The following IDE variants were observed in gnomAD, a reference collection of about 807,000 sequenced individuals.
IDE encodes insulin degrading enzyme, also known as insulin-degrading enzyme.
IDE carries 58 observed loss-of-function variants against 133.2 expected under a neutral mutation model. That is an observed-to-expected ratio of 0.44 (90% CI 0.35 to 0.54). IDE has a LOEUF of 0.54. Ranked by LOEUF, IDE falls within the 20% of genes least tolerant of loss-of-function variation. The pLI is 0.00. For synonymous variants in IDE, 396 were observed against 421.3 expected, an observed-to-expected ratio of 0.94 and a Z score of 0.73; for missense variants, 981 against 1,234.0, an observed-to-expected ratio of 0.79 and a Z score of 3.07.
At chr10:92,559,409 T>TCTATCCAA (rs1362873502) in intron 1 of IDE, among the ~76,000 whole-genome samples, 3 of 152,192 alleles carry the variant, frequency 2.0e-5, no homozygotes, top group Non-Finnish European at 4.4e-5. Flanking sequence ...TACAATCTGG[T>TCTATCCAA]CTATCCATAC....
chr10:92,529,921 C>G (rs1849823051), intron 4 of IDE, among the ~76,000 whole-genome samples: 1 of 152,048 alleles, frequency 6.6e-6, no homozygotes, highest in Non-Finnish European at 1.5e-5. Flanking sequence ...ATCTAACATA[C>G]CAAAAGGACT....
chr10:92,511,896 T>G (rs1406118961), intron 5 of IDE, among the ~76,000 whole-genome samples: 1 of 152,214 alleles, frequency 6.6e-6, no homozygotes, highest in East Asian at 1.9e-4. Flanking sequence ...CCTGCAGTAC[T>G]GGTGACAGCA....
At chr10:92,475,509 T>C (rs1442190086) in intron 16 of IDE, among the ~76,000 whole-genome samples, 2 of 152,216 alleles carry the variant, frequency 1.3e-5, no homozygotes, top group Non-Finnish European at 2.9e-5. Context: ...TGCTCTAATG[T>C]GACAAGGTCT....
At position 92,534,773 on chromosome 10, in the gene IDE, T is replaced by G; in HGVS notation, c.296A>C (p.Asp99Ala). 1 of 1,613,082 alleles carries G rather than the reference T, an allele frequency of 6.2e-7. No individual in the cohort carries two copies. The highest frequency in any genetic ancestry group is 8.5e-7 in the Non-Finnish European group (1 of 1,179,600). The change falls in exon 3 of 25, where the codon GAT becomes GCT. Residue 99 changes from aspartate (D) to alanine (A), a missense_variant. Coordinates refer to ENST00000265986, the MANE Select transcript of IDE (RefSeq NM_004969.4). Reference sequence around the variant, plus strand: ...ACTTAAGCCAGCAATATTTGGAGGATCCGACAATGAACCTGAAAGAGAAAA... The same window carrying G: ...ACTTAAGCCAGCAATATTTGGAGGAGCCGACAATGAACCTGAAAGAGAAAA... ...ALDVHIGSLS[D>A]PPNIAGLSHF...
chr10:92,474,588 T>G (rs1846148531), intron 17 of IDE: 1 of 338,590 alleles, frequency 3.0e-6, no homozygotes, highest in Non-Finnish European at 5.5e-6. Context: ...ACTAAGCATA[T>G]CCATCATCTC....
At chr10:92,455,303 C>G (rs534405319) in intron 24 of IDE, among the ~76,000 whole-genome samples, 81 of 152,014 alleles carry the variant, frequency 5.3e-4, no homozygotes, top group Non-Finnish European at 9.8e-4. Context: ...TGGTGAAACC[C>G]CATCTCCACT....
rs190467222 is a variant in IDE, at chr10:92,538,684, T to A, written c.99-1134A>T. Among the ~76,000 whole-genome samples the A allele has an allele frequency of 6.6e-5, 10 of 152,098 alleles. No individual in the cohort carries two copies. The East Asian group carries it at 9.7e-4, about 15-fold the overall frequency. On this transcript the variant is annotated intron_variant, in intron 1 of 24. Coordinates refer to ENST00000265986, the MANE Select transcript of IDE (RefSeq NM_004969.4). ...ATGTAGGGATGTTGGTTGCAATTAG[T>A]GCAGTGAAGGGACTTTCCAGAGTCT...
chr10:92,572,366 T>C (rs1019188302), intron 1 of IDE, among the ~76,000 whole-genome samples: 2 of 152,212 alleles, frequency 1.3e-5, no homozygotes, highest in Non-Finnish European at 2.9e-5. Flanking sequence ...TTGCACATTA[T>C]AGGAGATTTT....
chr10:92,462,618 T>A (rs573283689), intron 21 of IDE, among the ~76,000 whole-genome samples: 12 of 151,904 alleles, frequency 7.9e-5, no homozygotes, highest in African/African-American at 1.9e-4. Context: ...AAAAAAAAAA[T>A]AATAAGTGGA....
chr10:92,540,012 C>T (rs187718712), intron 1 of IDE, among the ~76,000 whole-genome samples: 7 of 152,190 alleles, frequency 4.6e-5, no homozygotes, highest in Admixed American at 2.6e-4. Flanking sequence ...GAGACTGAGG[C>T]GGGCAGATCA....
chr10:92,499,991 T>C (rs1330135221), intron 11 of IDE, among the ~76,000 whole-genome samples: 1 of 152,146 alleles, frequency 6.6e-6, no homozygotes, highest in Non-Finnish European at 1.5e-5. Context: ...GTTGATGCTC[T>C]TCTCAAAAAT....
intron 4 of IDE, among the ~76,000 whole-genome samples, chr10:92,524,516 TATATA>T (rs1849508135): frequency 2.1e-5 from 1 of 47,064 alleles, no homozygotes; most frequent in African/African-American, 7.4e-5. Context: ...TAATATATAA[TATATA>T]TTATATTATA....
chr10:92,471,256 T>C (rs1845945737), intron 17 of IDE, among the ~76,000 whole-genome samples: 1 of 152,184 alleles, frequency 6.6e-6, no homozygotes, highest in Non-Finnish European at 1.5e-5. Flanking sequence ...TAGGACACCA[T>C]AGTAATAACT....
At chr10:92,460,233 T>C (rs369147517) in intron 22 of IDE, among the ~76,000 whole-genome samples, 84 of 152,280 alleles carry the variant, frequency 5.5e-4, no homozygotes, top group African/African-American at 1.9e-3. Context: ...ATGTAAAACT[T>C]ATAATATCTC....
chr10:92,532,578 A>C (rs1564655859), intron 3 of IDE, among the ~76,000 whole-genome samples: 1 of 152,218 alleles, frequency 6.6e-6, no homozygotes, highest in Non-Finnish European at 1.5e-5. Context: ...TGATTCAATA[A>C]ATAACATGGT....
At chr10:92,552,857 C>CAAGAAAAAAAAAAAAAAAAAAAAA (rs1842846541) in intron 1 of IDE, among the ~76,000 whole-genome samples, 1 of 49,380 alleles carries the variant, frequency 2.0e-5, no homozygotes, top group African/African-American at 1.1e-4. Context: ...GACTCAGTCT[C>CAAGAAAAAAAAAAAAAAAAAAAAA]AAAAAAAAAA....
At chr10:92,538,013 C>G (rs2135705207) in intron 1 of IDE, among the ~76,000 whole-genome samples, 1 of 152,118 alleles carries the variant, frequency 6.6e-6, no homozygotes, top group East Asian at 1.9e-4. Flanking sequence ...GCTGGGACCA[C>G]AGGCACTCAA....
At chr10:92,559,586 A>G (rs1843180049) in intron 1 of IDE, among the ~76,000 whole-genome samples, 1 of 152,206 alleles carries the variant, frequency 6.6e-6, no homozygotes, top group Non-Finnish European at 1.5e-5. Context: ...AGAAAGAAAG[A>G]TGAGTGGCTG....
chr10:92,521,389 G>C (rs890993730), intron 4 of IDE, among the ~76,000 whole-genome samples: 7 of 151,566 alleles, frequency 4.6e-5, no homozygotes, highest in African/African-American at 1.7e-4. Flanking sequence ...TACATTGTTA[G>C]GGGTGCAGTA....
Sources: allele counts gnomAD v4.1 joint callset (sites outside exome capture counted in the v4.1 genomes callset), GRCh38; gene constraint gnomAD v4.1.1; transcripts MANE v1.5; gene names NCBI Gene and HGNC (gene_info 2026-07-23, HGNC 2026-07-21).